MAF: variants seen among roughly 807,000 people sequenced by gnomAD.
MAF encodes transcription factor Maf.
MAF carries 10 observed loss-of-function variants against 22.0 expected under a neutral mutation model. The ratio of observed to expected loss-of-function variants is 0.45; its 90% CI spans 0.28 to 0.77. The LOEUF is 0.77. MAF is among the 30% of genes least tolerant of loss of function. The probability of loss-of-function intolerance (pLI) is 0.12; values close to 1 mark genes in which losing one functional copy is unlikely to be tolerated. For synonymous variants in MAF, 337 were observed against 255.8 expected, an observed-to-expected ratio of 1.32 and a Z score of -3.03; for missense variants, 544 against 548.4, an observed-to-expected ratio of 0.99 and a Z score of 0.08.
chr16:79,475,661 G>A, the MAF span, among the ~76,000 whole-genome samples: 1 of 152,078 alleles, frequency 6.6e-6, no homozygotes, highest in Non-Finnish European at 1.5e-5. Flanking sequence ...TCATTTCTTT[G>A]TCAAAATTGG....
the MAF span, among the ~76,000 whole-genome samples, chr16:79,576,950 A>G: frequency 1.3e-5 from 2 of 152,318 alleles, no homozygotes; most frequent in South Asian, 4.1e-4. Flanking sequence ...TATTAGAGTG[A>G]TTTAATGCTG....
At chr16:79,508,273 T>C in the MAF span, among the ~76,000 whole-genome samples, 1 of 152,244 alleles carries the variant, frequency 6.6e-6, no homozygotes, top group South Asian at 2.1e-4. Flanking sequence ...ACCTCTCAGG[T>C]CTTCTGGCTT....
At chr16:79,233,614 C>T in the MAF span, among the ~76,000 whole-genome samples, 5 of 152,010 alleles carry the variant, frequency 3.3e-5, no homozygotes, top group Non-Finnish European at 7.4e-5. Context: ...CAGCTCTGTC[C>T]CACTGGGAGG....
the MAF span, among the ~76,000 whole-genome samples, chr16:79,318,822 G>C: frequency 6.6e-6 from 1 of 152,130 alleles, no homozygotes; most frequent in Non-Finnish European, 1.5e-5. Context: ...CACAGCCTCT[G>C]CTGGAAGACT....
At chr16:79,464,684 GT>G in the MAF span, among the ~76,000 whole-genome samples, 1 of 152,156 alleles carries the variant, frequency 6.6e-6, no homozygotes, top group Non-Finnish European at 1.5e-5. Flanking sequence ...ATGACAACTG[GT>G]AGTAGAAAAC....
chr16:79,485,632 T>C, the MAF span, among the ~76,000 whole-genome samples: 9 of 152,326 alleles, frequency 5.9e-5, no homozygotes, highest in East Asian at 1.5e-3. Flanking sequence ...AAAAAGGTTT[T>C]TTTAAAAATA....
the MAF span, among the ~76,000 whole-genome samples, chr16:79,217,612 C>T: frequency 0.066 from 9,989 of 152,174 alleles, 338 homozygotes; most frequent in African/African-American, 0.077. Context: ...TCGCGCTCAT[C>T]TGATGCTACA....
At chr16:79,471,561 C>T in the MAF span, among the ~76,000 whole-genome samples, 1 of 152,148 alleles carries the variant, frequency 6.6e-6, no homozygotes, top group African/African-American at 2.4e-5. Flanking sequence ...CCTGTAGTTC[C>T]AGGTGCTAGG....
At chr16:79,492,454 C>A in the MAF span, among the ~76,000 whole-genome samples, 1 of 150,916 alleles carries the variant, frequency 6.6e-6, no homozygotes, top group Non-Finnish European at 1.5e-5. Context: ...CACCCTTACC[C>A]CAGCCCATTT....
At chr16:79,454,176 G>A in the MAF span, among the ~76,000 whole-genome samples, 1 of 152,170 alleles carries the variant, frequency 6.6e-6, no homozygotes, top group Admixed American at 6.6e-5. Flanking sequence ...GATTGCTAAA[G>A]ATAAGACAGC....
chr16:79,217,284 C>G, the MAF span, among the ~76,000 whole-genome samples: 91 of 152,330 alleles, frequency 6.0e-4, 2 homozygotes, highest in African/African-American at 2.1e-3. Flanking sequence ...CCAGCTCCAT[C>G]TGCCTTGAAG....
the MAF span, among the ~76,000 whole-genome samples, chr16:79,556,538 G>C: frequency 2.0e-5 from 3 of 152,170 alleles, no homozygotes; most frequent in African/African-American, 7.2e-5. Context: ...TGTGTTAAAA[G>C]GATTGGACCC....
chr16:79,474,703 T>G, the MAF span, among the ~76,000 whole-genome samples: 416 of 152,308 alleles, frequency 2.7e-3, no homozygotes, highest in Middle Eastern at 6.8e-3. Context: ...GTTGAATATT[T>G]ATTTTTTGCT....
At chr16:79,419,727 C>A in the MAF span, among the ~76,000 whole-genome samples, 1 of 152,252 alleles carries the variant, frequency 6.6e-6, no homozygotes, top group East Asian at 1.9e-4. Context: ...AAACCTAGAC[C>A]GAGCTCACCT....
chr16:79,525,869 C>T, the MAF span, among the ~76,000 whole-genome samples: 35 of 152,078 alleles, frequency 2.3e-4, 1 homozygote, highest in South Asian at 2.1e-4. Context: ...GGCAAGAATT[C>T]GCGAGAAAGA....
the MAF span, among the ~76,000 whole-genome samples, chr16:79,343,287 G>C: frequency 4.6e-5 from 7 of 151,736 alleles, no homozygotes; most frequent in Non-Finnish European, 8.8e-5. Flanking sequence ...TCTCTTCCTG[G>C]TTATTTCCTC....
chr16:79,422,030 G>A, the MAF span, among the ~76,000 whole-genome samples: 1 of 152,238 alleles, frequency 6.6e-6, no homozygotes, highest in East Asian at 1.9e-4. Context: ...CACCCGCCTT[G>A]GCCTCCCAAA....
At chr16:79,557,550 G>C in the MAF span, among the ~76,000 whole-genome samples, 5 of 151,980 alleles carry the variant, frequency 3.3e-5, no homozygotes, top group African/African-American at 1.2e-4. Context: ...TACTACTTAC[G>C]TGGCCTTGGG....
chr16:79,210,828 G>C, the MAF span, among the ~76,000 whole-genome samples: 97,820 of 151,976 alleles, frequency 0.64, 32,304 homozygotes, highest in Non-Finnish European at 0.71. Context: ...AGCCACAGCC[G>C]CAACTGTTAC....
Sources: allele counts gnomAD v4.1 joint callset (sites outside exome capture counted in the v4.1 genomes callset), GRCh38; gene constraint gnomAD v4.1.1; transcripts MANE v1.5; gene names NCBI Gene and HGNC (gene_info 2026-07-23, HGNC 2026-07-21).